Variants in PROX1 observed in about 807,000 individuals in gnomAD.
The protein encoded by PROX1 is prospero homeobox protein 1.
PROX1 carries 7 observed loss-of-function variants against 58.8 expected under a neutral mutation model. That is an observed-to-expected ratio of 0.12 (90% confidence interval 0.07 to 0.22). PROX1 has a LOEUF of 0.22. Among genes scored for constraint, PROX1 ranks in the 10% least tolerant of loss-of-function variants. PROX1 has a pLI of 1.00. For synonymous variants in PROX1, 350 were observed against 358.3 expected (o/e 0.98, Z 0.26); for missense variants, 675 against 927.8 (o/e 0.73, Z 3.54).
chr1:213,997,903 C>T lies in PROX1; in HGVS notation c.1368C>T (p.Ala456=), dbSNP rs530123487. The T allele has an allele frequency of 1.2e-6, 2 of 1,612,494 alleles. No individual in the cohort carries two copies. Among genetic ancestry groups the T allele is most frequent in the African/African-American group, 1.3e-5 (1 of 75,054 alleles). Residue 456 remains alanine (A), a synonymous_variant, in exon 2 of 5, where the codon GCC becomes GCT. Coordinates refer to ENST00000366958, the MANE Select transcript of PROX1 (RefSeq NM_001270616.2). The surrounding 1 kb of genome is among the most constrained non-coding windows in gnomAD (Gnocchi z 7.1). ...NSSDQSASGP[A]AGGHHQPLHQ... is the part of the protein sequence containing the mutation. Reference sequence around the variant, plus strand: ...CTGACCAGTCTGCCTCCGGCCCTGCCGCTGGCGGCCACCACCAGCCCCTGC... The same window carrying T: ...CTGACCAGTCTGCCTCCGGCCCTGCTGCTGGCGGCCACCACCAGCCCCTGC...
At chr1:213,994,592 C>G (rs973951040) in intron 1 of PROX1, among the ~76,000 whole-genome samples, 1 of 151,262 alleles carries the variant, frequency 6.6e-6, no homozygotes, top group Non-Finnish European at 1.5e-5. Flanking sequence ...TTTTTGTATT[C>G]CTGAAACCAA....
At chr1:213,985,009 C>A (rs1662791224), upstream of PROX1, 1 of 152,224 alleles carries the variant, frequency 6.6e-6, no homozygotes, top group South Asian at 2.1e-4. Context: ...AACCCAGAAC[C>A]AGATGCATGG....
Position 214,037,097 on chromosome 1 carries a change from T to C in PROX1, c.*1263T>C, listed in dbSNP as rs748567951. 5 of 152,244 alleles carry C rather than the reference T, an allele frequency of 3.3e-5. No homozygotes were observed. The highest frequency in any genetic ancestry group is 4.8e-5 in the African/African-American group (2 of 41,472). The allele number at this position is 152,244 out of a possible 1,614,324, so 9.4% of individuals were successfully genotyped here. A position where few individuals can be genotyped will look rare whatever the true frequency, so the allele number is the denominator to read the frequency against. ...CCAAAAGACACAATTCCAGCACACATAAGAAAGCTAGCTGCTATTTTATGC... is the reference window on the plus strand; with the variant it reads ...CCAAAAGACACAATTCCAGCACACACAAGAAAGCTAGCTGCTATTTTATGC... On this transcript the variant is annotated 3_prime_UTR_variant, in exon 5 of 5. Coordinates refer to ENST00000366958, the MANE Select transcript of PROX1 (RefSeq NM_001270616.2).
In PROX1 at chr1:213,997,922, C is replaced by T. The variant is rs1160234869; in HGVS notation, c.1387C>T (p.Pro463Ser). Residue 463 changes from proline (P) to serine (S), a missense_variant, in exon 2 of 5, where the codon CCC (proline) becomes TCC (serine). This residue lies in a region of PROX1 where 403 missense variants were observed against 477.4 expected (regional missense o/e 0.84). Transcript: ENST00000366958. This position sits in a 1 kb window ranked among gnomAD's most constrained non-coding sequence, Gnocchi z 7.1. ...CCCTGCCGCTGGCGGCCACCACCAGCCCCTGCACCAGTCGCCTCTCTCTGC... is the reference window on the plus strand; with the variant it reads ...CCCTGCCGCTGGCGGCCACCACCAGTCCCTGCACCAGTCGCCTCTCTCTGC... The part of the protein sequence containing the change: ...SGPAAGGHHQ[P>S]LHQSPLSATT... 3.7e-6 allele frequency: 6 copies of T among 1,613,316 alleles called. No homozygotes were observed. Among genetic ancestry groups the T allele is most frequent in the African/African-American group, 2.7e-5 (2 of 74,938 alleles).
chr1:214,015,724 G>GGGGCGTATGA (rs1664071378), intron 4 of PROX1, among the ~76,000 whole-genome samples: 1 of 152,172 alleles, frequency 6.6e-6, no homozygotes, highest in Non-Finnish European at 1.5e-5. Flanking sequence ...ATCATCCAAA[G>GGGGCGTATGA]GTTGGAGGGT....
chr1:214,034,231 T>C (rs1664756117), intron 4 of PROX1, among the ~76,000 whole-genome samples: 1 of 152,250 alleles, frequency 6.6e-6, no homozygotes, highest in Admixed American at 6.5e-5. Context: ...TGGTTTTCTT[T>C]ACCAGTTACT....
rs1662892894 is a variant in PROX1, at chr1:213,988,448, G to GAGAT, written c.-100_-99insTAGA. ...AGATAGAGAGAGAGAGAGAGAGAGA[G>GAGAT]AGAGAGAGGCTCGGTCCCACTGCTC... On this transcript the variant is annotated 5_prime_UTR_variant, in exon 1 of 5. Coordinates refer to ENST00000366958, the MANE Select transcript of PROX1 (RefSeq NM_001270616.2). 1 of 152,082 alleles carries GAGAT rather than the reference G, an allele frequency of 6.6e-6. No homozygotes were observed. Among genetic ancestry groups the GAGAT allele is most frequent in the African/African-American group, 2.4e-5 (1 of 41,374 alleles). The allele number at this position is 152,082 out of a possible 1,614,324, so 9.4% of individuals were successfully genotyped here. A position where few individuals can be genotyped will look rare whatever the true frequency, so the allele number is the denominator to read the frequency against.
intron 4 of PROX1, among the ~76,000 whole-genome samples, chr1:214,027,432 CTCTG>C (rs1664498245): frequency 6.6e-6 from 1 of 152,148 alleles, no homozygotes; most frequent in Non-Finnish European, 1.5e-5. Flanking sequence ...GCTCCCAAAG[CTCTG>C]TCTCTCAAGA....
chr1:213,997,092 G>A lies in PROX1; in HGVS notation c.557G>A (p.Gly186Asp). ...MSHSPSVALR[G>D]NENEREMAPQ... ...CATTCCCCCAGTGTGGCATTAAGGGGCAATGAAAATGAAAGAGAGATGGCC... is the reference window on the plus strand; with the variant it reads ...CATTCCCCCAGTGTGGCATTAAGGGACAATGAAAATGAAAGAGAGATGGCC... The change falls in exon 2 of 5, where the codon GGC becomes GAC. Residue 186 changes from glycine (G) to aspartate (D), a missense_variant. Coordinates refer to ENST00000366958, the MANE Select transcript of PROX1 (RefSeq NM_001270616.2). The surrounding 1 kb of genome is among the most constrained non-coding windows in gnomAD (Gnocchi z 7.1). The A allele has an allele frequency of 6.2e-7, 1 of 1,613,854 alleles. No homozygotes were observed. Among genetic ancestry groups the A allele is most frequent in the South Asian group, 1.1e-5 (1 of 91,074 alleles).
intron 1 of PROX1, among the ~76,000 whole-genome samples, chr1:213,990,071 C>T (rs570205893): frequency 9.3e-4 from 139 of 149,846 alleles, no homozygotes; most frequent in East Asian, 2.0e-3. Flanking sequence ...GGCCTCCTCG[C>T]AAAGTCAAGG....
chr1:214,011,195 T>C (rs1465783897), intron 3 of PROX1, among the ~76,000 whole-genome samples: 3 of 152,084 alleles, frequency 2.0e-5, no homozygotes, highest in Admixed American at 2.0e-4. Flanking sequence ...CCATAAGAAG[T>C]ATATAAATGC....
intron 4 of PROX1, among the ~76,000 whole-genome samples, chr1:214,024,651 G>A (rs893164029): frequency 3.9e-5 from 6 of 152,158 alleles, no homozygotes. Flanking sequence ...TAGCAATACA[G>A]GGCACACAGA....
At chr1:214,028,151 G>A (rs145681669) in intron 4 of PROX1, among the ~76,000 whole-genome samples, 1 of 152,216 alleles carries the variant, frequency 6.6e-6, no homozygotes, top group East Asian at 1.9e-4. Flanking sequence ...TGTTGCTGGA[G>A]AACCTTCCTC....
chr1:213,991,435 C>A (rs751180873), intron 1 of PROX1, among the ~76,000 whole-genome samples: 7 of 152,214 alleles, frequency 4.6e-5, no homozygotes, highest in Non-Finnish European at 1.0e-4. Context: ...AACACACACA[C>A]ACACACCCAA....
chr1:213,993,333 A>G (rs1381770383), intron 1 of PROX1, among the ~76,000 whole-genome samples: 4 of 152,208 alleles, frequency 2.6e-5, no homozygotes, highest in Non-Finnish European at 5.9e-5. Context: ...CTGAAAATTA[A>G]TGTTAAAATG....
chr1:214,020,602 A>G (rs933324886), intron 4 of PROX1, among the ~76,000 whole-genome samples: 2 of 152,202 alleles, frequency 1.3e-5, no homozygotes, highest in Non-Finnish European at 2.9e-5. Context: ...TTAGAGCTTA[A>G]TATCTTGGGC....
rs1249041995 is a variant in PROX1, at chr1:214,036,647, A to G, written c.*813A>G. The G allele has an allele frequency of 6.6e-6, 1 of 152,238 alleles. No individual in the cohort carries two copies. The highest frequency in any genetic ancestry group is 1.5e-5 in the Non-Finnish European group (1 of 68,038). 9.4% of individuals were successfully genotyped at this position (152,238 alleles called of 1,614,324 possible). On this transcript the variant is annotated 3_prime_UTR_variant, in exon 5 of 5. Coordinates refer to ENST00000366958, the MANE Select transcript of PROX1 (RefSeq NM_001270616.2). ...ATAAAGAAAAATCCTATAACTTGTT[A>G]TCATTTTTGCTTCAGATACTAAAAG...
intron 4 of PROX1, among the ~76,000 whole-genome samples, chr1:214,013,625 C>T (rs1237172136): frequency 3.3e-5 from 5 of 152,156 alleles, no homozygotes; most frequent in Admixed American, 3.3e-4. Context: ...TACCCACAGG[C>T]CAGGGGCCAA....
chr1:214,017,672 C>G (rs901695815), intron 4 of PROX1, among the ~76,000 whole-genome samples: 11 of 151,978 alleles, frequency 7.2e-5, no homozygotes, highest in African/African-American at 2.7e-4. Flanking sequence ...TTGCTTTCCT[C>G]CCTCACCTCC....
Sources: allele counts gnomAD v4.1 joint callset (sites outside exome capture counted in the v4.1 genomes callset), GRCh38; gene constraint gnomAD v4.1.1; regional missense constraint gnomAD v4.1.1; non-coding constraint Gnocchi (gnomAD v3.1); transcripts MANE v1.5; gene names NCBI Gene and HGNC (gene_info 2026-07-23, HGNC 2026-07-21).